SPIDR: variants seen among roughly 807,000 people sequenced by gnomAD.
The protein encoded by SPIDR is scaffold protein involved in DNA repair.
Under a neutral mutation model 104.6 loss-of-function variants are expected in SPIDR, and 93 were observed. That is an observed-to-expected ratio of 0.89 (90% CI 0.75 to 1.06). The LOEUF is 1.06. SPIDR is among the 50% of genes least tolerant of loss of function. SPIDR has a pLI of 0.00. For synonymous variants in SPIDR, 431 were observed against 416.9 expected (o/e 1.03, Z -0.41); for missense variants, 1,154 against 1,111.2 (o/e 1.04, Z -0.55).
chr8:47,320,413 C>T (rs2046322528), intron 5 of SPIDR, among the ~76,000 whole-genome samples: 1 of 152,190 alleles, frequency 6.6e-6, no homozygotes, highest in East Asian at 1.9e-4. Context: ...AGTTGAATCT[C>T]TGAACGGACC....
chr8:47,503,958 T>C (rs1042340474), intron 8 of SPIDR, among the ~76,000 whole-genome samples: 2 of 152,362 alleles, frequency 1.3e-5, no homozygotes, highest in East Asian at 1.9e-4. Context: ...TGTTGAATAT[T>C]GGCCCCCACT....
At chr8:47,565,989 TA>T (rs1587836285) in intron 8 of SPIDR, among the ~76,000 whole-genome samples, 128 of 54,622 alleles carry the variant, frequency 2.3e-3, no homozygotes, top group African/African-American at 3.4e-3. Flanking sequence ...TATATATATA[TA>T]TATTTTTTTT....
intron 8 of SPIDR, among the ~76,000 whole-genome samples, chr8:47,551,549 T>C (rs1377163539): frequency 1.3e-5 from 2 of 152,202 alleles, no homozygotes; most frequent in East Asian, 3.8e-4. Context: ...TTTTCTAGTT[T>C]ATTTGTGTAG....
At chr8:47,439,328 C>T (rs2068945646) in intron 7 of SPIDR, among the ~76,000 whole-genome samples, 1 of 152,078 alleles carries the variant, frequency 6.6e-6, no homozygotes, top group African/African-American at 2.4e-5. Context: ...TATTCATAAA[C>T]TATTGTATTG....
chr8:47,421,960 G>T (rs1041745709), intron 7 of SPIDR, among the ~76,000 whole-genome samples: 1 of 152,146 alleles, frequency 6.6e-6, no homozygotes, highest in African/African-American at 2.4e-5. Context: ...CAGCCTGATT[G>T]TTTCTGGAAG....
intron 8 of SPIDR, among the ~76,000 whole-genome samples, chr8:47,569,631 G>A (rs2058292918): frequency 6.6e-6 from 1 of 152,158 alleles, no homozygotes; most frequent in African/African-American, 2.4e-5. Context: ...TTGTACTGGA[G>A]TTTCTACCCA....
At position 47,382,566 on chromosome 8, in the gene SPIDR, C is replaced by T. The variant is rs2059440791; in HGVS notation, c.526-13810C>T. Among the ~76,000 whole-genome samples, 3 of 152,252 alleles carry T rather than the reference C, an allele frequency of 2.0e-5. No individual in the cohort carries two copies. The South Asian group carries it at 6.2e-4, about 32-fold the overall frequency. On this transcript the variant is annotated intron_variant, in intron 5 of 19. Transcript: ENST00000297423. ...TAGCTGGGACTACAGGAGTGCACCA[C>T]CACACCCAGCCAATTTTTGTATTTT...
chr8:47,409,098 A>G (rs1484797886), intron 7 of SPIDR, among the ~76,000 whole-genome samples: 1 of 152,194 alleles, frequency 6.6e-6, no homozygotes, highest in Admixed American at 6.5e-5. Flanking sequence ...AGGCAAGAGA[A>G]TCGCTTGAAC....
At chr8:47,552,820 T>A (rs2090750170) in intron 8 of SPIDR, among the ~76,000 whole-genome samples, 2 of 152,328 alleles carry the variant, frequency 1.3e-5, no homozygotes, top group South Asian at 4.1e-4. Flanking sequence ...TAGCTGGTTA[T>A]TTTGCTCATT....
At chr8:47,461,395 G>C (rs925032809) in intron 8 of SPIDR, among the ~76,000 whole-genome samples, 18 of 152,030 alleles carry the variant, frequency 1.2e-4, no homozygotes, top group African/African-American at 4.1e-4. Context: ...CACAATCTCG[G>C]CTCACTCCCG....
At chr8:47,716,165 G>A (rs143160700) in intron 16 of SPIDR, among the ~76,000 whole-genome samples, 1 of 152,002 alleles carries the variant, frequency 6.6e-6, no homozygotes, top group East Asian at 1.9e-4. Context: ...TTGCCGTGTT[G>A]GCCAGGCTGG....
chr8:47,573,389 CAGT>C (rs2154406986), intron 8 of SPIDR, among the ~76,000 whole-genome samples: 1 of 152,312 alleles, frequency 6.6e-6, no homozygotes, highest in Non-Finnish European at 1.5e-5. Flanking sequence ...AGGGCACACT[CAGT>C]AGTCCTCTGT....
At chr8:47,691,745 C>T (rs1204039466) in intron 11 of SPIDR, among the ~76,000 whole-genome samples, 1 of 152,218 alleles carries the variant, frequency 6.6e-6, no homozygotes, top group African/African-American at 2.4e-5. Flanking sequence ...GCTGTCCTGT[C>T]TGGTGCTCAA....
At chr8:47,274,325 T>A (rs1269291129) in intron 1 of SPIDR, among the ~76,000 whole-genome samples, 2 of 152,212 alleles carry the variant, frequency 1.3e-5, no homozygotes, top group Non-Finnish European at 2.9e-5. Context: ...AAATAATTGC[T>A]ACATATTTTC....
At chr8:47,630,788 T>C (rs1250727937) in intron 10 of SPIDR, among the ~76,000 whole-genome samples, 1 of 152,062 alleles carries the variant, frequency 6.6e-6, no homozygotes, top group Non-Finnish European at 1.5e-5. Context: ...TATAGCCCCC[T>C]ATGGTCTTCC....
intron 5 of SPIDR, among the ~76,000 whole-genome samples, chr8:47,359,541 C>T (rs2055299943): frequency 6.6e-6 from 1 of 152,124 alleles, no homozygotes; most frequent in African/African-American, 2.4e-5. Context: ...TCTGCAGTGA[C>T]ATGCATGGGT....
chr8:47,655,190 TG>T (rs1192900693), intron 10 of SPIDR, among the ~76,000 whole-genome samples: 2 of 152,200 alleles, frequency 1.3e-5, no homozygotes, highest in African/African-American at 4.8e-5. Flanking sequence ...TAAACATACA[TG>T]TGCATGTGTC....
At chr8:47,396,001 C>T (rs1554658107) in intron 5 of SPIDR, among the ~76,000 whole-genome samples, 3 of 152,208 alleles carry the variant, frequency 2.0e-5, no homozygotes, top group Non-Finnish European at 4.4e-5. Flanking sequence ...GAAATACTTT[C>T]TTTCCAGTAG....
intron 14 of SPIDR, among the ~76,000 whole-genome samples, chr8:47,709,125 A>G (rs1490553105): frequency 2.6e-5 from 4 of 151,874 alleles, no homozygotes; most frequent in Admixed American, 2.6e-4. Flanking sequence ...GGCATCCGCC[A>G]CTACACCCGG....
Sources: allele counts gnomAD v4.1 joint callset (sites outside exome capture counted in the v4.1 genomes callset), GRCh38; gene constraint gnomAD v4.1.1; transcripts MANE v1.5; gene names NCBI Gene and HGNC (gene_info 2026-07-23, HGNC 2026-07-21).